The following JMY variants were observed in gnomAD, a reference collection of about 807,000 sequenced individuals.
JMY encodes the protein junction-mediating and -regulatory protein.
A neutral mutation model predicts 103.3 loss-of-function variants in JMY; 46 were observed. The observed-to-expected ratio is 0.45, with a 90% CI of 0.35 to 0.57. The LOEUF is 0.57. Among genes scored for constraint, JMY ranks in the 20% least tolerant of loss-of-function variants. The pLI is 0.00. For missense variants in JMY, 1,238 were observed against 1,255.2 expected (o/e 0.99, Z 0.21); for synonymous variants, 526 against 489.3 (o/e 1.07, Z -0.99).
chr5:79,301,009 G>A (rs1384206533), intron 6 of JMY, 146 bp downstream of exon 6: 2 of 629,598 alleles, frequency 3.2e-6, no homozygotes, highest in Non-Finnish European at 5.3e-6. Flanking sequence ...AGTGCTCTGA[G>A]AATTGCCCTC....
At chr5:79,262,402 C>G (rs1250449677) in intron 1 of JMY, among the ~76,000 whole-genome samples, 1 of 152,104 alleles carries the variant, frequency 6.6e-6, no homozygotes, top group East Asian at 1.9e-4. Context: ...ATTCCCTGGA[C>G]TTTGTCAGTT....
At chr5:79,245,913 C>T (rs1300619366) in intron 1 of JMY, among the ~76,000 whole-genome samples, 1 of 152,200 alleles carries the variant, frequency 6.6e-6, no homozygotes, top group Non-Finnish European at 1.5e-5. Context: ...GTGTGAGCCA[C>T]TGCACCCAGC....
intron 4 of JMY, among the ~76,000 whole-genome samples, chr5:79,297,349 C>A (rs550989838): frequency 1.3e-5 from 2 of 152,266 alleles, no homozygotes; most frequent in South Asian, 2.1e-4. Context: ...AAAAAAGACA[C>A]CCCATTGTGG....
chr5:79,248,175 G>A (rs1744964646), intron 1 of JMY, among the ~76,000 whole-genome samples: 1 of 152,088 alleles, frequency 6.6e-6, no homozygotes, highest in African/African-American at 2.4e-5. Flanking sequence ...ACAGGCGTGA[G>A]CCACCGCATC....
chr5:79,272,849 T>C (rs753686208), intron 1 of JMY, among the ~76,000 whole-genome samples: 1 of 152,170 alleles, frequency 6.6e-6, no homozygotes, highest in Non-Finnish European at 1.5e-5. Context: ...TTGGCCAGGC[T>C]GGTCTCAAAC....
chr5:79,290,416 G>A, intron 3 of JMY, 145 bp downstream of exon 3: 2 of 399,258 alleles, frequency 5.0e-6, no homozygotes, highest in Non-Finnish European at 8.6e-6. Flanking sequence ...GCAAATTAAG[G>A]CACATCCTAT....
At chr5:79,301,391 C>G (rs1746729811) in intron 6 of JMY, among the ~76,000 whole-genome samples, 1 of 152,178 alleles carries the variant, frequency 6.6e-6, no homozygotes, top group South Asian at 2.1e-4. Flanking sequence ...GGAACTAGCT[C>G]TCCAACCTAG....
chr5:79,307,548 A>G (rs2112113427), intron 7 of JMY, among the ~76,000 whole-genome samples: 1 of 152,232 alleles, frequency 6.6e-6, no homozygotes, highest in Non-Finnish European at 1.5e-5. Context: ...CCTGGGCTCA[A>G]GCAGTCCTCC....
chr5:79,251,335 G>A (rs1745078425), intron 1 of JMY, among the ~76,000 whole-genome samples: 2 of 152,070 alleles, frequency 1.3e-5, no homozygotes, highest in Admixed American at 1.3e-4. Context: ...AGGCTCAAGT[G>A]ATCCTCCCAT....
chr5:79,236,975 G>A lies in JMY; in HGVS notation c.325G>A (p.Ala109Thr). 6.9e-7 allele frequency: 1 copy of A among 1,457,196 alleles called. No individual in the cohort carries two copies. Among genetic ancestry groups the A allele is most frequent in the Non-Finnish European group, 9.0e-7 (1 of 1,106,994 alleles). The allele number at this position is 1,457,196 out of a possible 1,614,324, so 90.3% of individuals were successfully genotyped here. ...VRSPGPRRSSAWAEGGSPRST... is the reference protein window; with the variant it reads ...VRSPGPRRSSTWAEGGSPRST... The stretch of plus-strand genomic sequence containing the variant: ...GAGCCCCGGGCCCCGGCGGAGCTCG[G>A]CCTGGGCGGAGGGCGGCTCTCCTCG... Residue 109 changes from alanine (A) to threonine (T), a missense_variant, in exon 1 of 11, where the codon GCC becomes ACC. Ala to Thr is a moderately conservative substitution (Grantham distance 58). Coordinates refer to ENST00000396137, the MANE Select transcript of JMY (RefSeq NM_152405.5).
chr5:79,307,439 A>T (rs1488367159), intron 7 of JMY, among the ~76,000 whole-genome samples: 1 of 152,052 alleles, frequency 6.6e-6, no homozygotes, highest in African/African-American at 2.4e-5. Context: ...AATTTTAGCC[A>T]TTCTGACAGG....
chr5:79,236,587 A>G lies in JMY; in HGVS notation c.-64A>G. 5 of 1,241,190 alleles carry G rather than the reference A, an allele frequency of 4.0e-6. No individual in the cohort carries two copies. Among genetic ancestry groups the G allele is most frequent in the Non-Finnish European group, 5.2e-6 (5 of 967,190 alleles). 76.9% of individuals were successfully genotyped at this position (1,241,190 alleles called of 1,614,324 possible). ...GGTGAGCGGGGGGCGCGGCGCAGCCAGCGGGGAGTCCTCGGGCGGGCCGGG... is the reference window on the plus strand; with the variant it reads ...GGTGAGCGGGGGGCGCGGCGCAGCCGGCGGGGAGTCCTCGGGCGGGCCGGG... On this transcript the variant is annotated 5_prime_UTR_variant, in exon 1 of 11. Transcript: ENST00000396137.
chr5:79,306,259 C>A, intron 6 of JMY, 116 bp from the exon 7 acceptor site: 1 of 673,946 alleles, frequency 1.5e-6, no homozygotes, highest in East Asian at 2.7e-5. Context: ...AAGAGGTGGT[C>A]AATGTGATAC....
chr5:79,299,061 A>G (rs879492142), intron 4 of JMY, among the ~76,000 whole-genome samples: 4 of 152,154 alleles, frequency 2.6e-5, no homozygotes, highest in Admixed American at 6.5e-5. Context: ...CTCGTAAACA[A>G]TACTCTTAAT....
chr5:79,310,968 A>T (rs888796919), intron 7 of JMY, among the ~76,000 whole-genome samples: 2 of 152,074 alleles, frequency 1.3e-5, no homozygotes, highest in Admixed American at 6.6e-5. Context: ...TCTATAAAAA[A>T]TTTTTAAAAT....
At chr5:79,246,737 TG>T (rs1744916501) in intron 1 of JMY, among the ~76,000 whole-genome samples, 1 of 152,014 alleles carries the variant, frequency 6.6e-6, no homozygotes, top group Admixed American at 6.6e-5. Flanking sequence ...GAAAATTAGC[TG>T]GGTGTGGTGT....
intron 1 of JMY, among the ~76,000 whole-genome samples, chr5:79,270,125 T>C (rs1027397397): frequency 2.4e-4 from 36 of 152,080 alleles, no homozygotes; most frequent in African/African-American, 8.2e-4. Flanking sequence ...CTTCCCAGTC[T>C]ACACATTTTA....
chr5:79,319,070 A>G (rs1747353754), intron 10 of JMY, among the ~76,000 whole-genome samples: 1 of 152,154 alleles, frequency 6.6e-6, no homozygotes, highest in Non-Finnish European at 1.5e-5. Context: ...TTCACAGCAC[A>G]CCAGCAGCTG....
intron 1 of JMY, among the ~76,000 whole-genome samples, chr5:79,256,327 G>A (rs1225061609): frequency 6.6e-6 from 1 of 152,082 alleles, no homozygotes; most frequent in African/African-American, 2.4e-5. Flanking sequence ...ACCCTTCAGG[G>A]CAGTAGCTTC....
Sources: gnomAD v4.1 joint callset for allele counts (sites outside exome capture counted in the v4.1 genomes callset) on GRCh38, gnomAD v4.1.1 for gene constraint, MANE v1.5 for transcripts, NCBI Gene and HGNC (gene_info 2026-07-23, HGNC 2026-07-21) for gene names.